Variants in MAP4K5 observed in about 807,000 individuals in gnomAD.
The protein encoded by MAP4K5 is mitogen-activated protein kinase kinase kinase kinase 5.
A neutral mutation model predicts 135.6 loss-of-function variants in MAP4K5; 82 were observed. The ratio of observed to expected loss-of-function variants is 0.60; its 90% CI spans 0.51 to 0.73. The LOEUF (loss-of-function observed/expected upper bound fraction) is 0.73, where lower values mean the gene tolerates loss of function less well. Among genes scored for constraint, MAP4K5 ranks in the 30% least tolerant of loss-of-function variants. MAP4K5 has a pLI of 0.00. For synonymous variants in MAP4K5, 347 were observed against 335.0 expected (o/e 1.04, Z -0.39); for missense variants, 907 against 1,010.9 (o/e 0.90, Z 1.39).
intron 3 of MAP4K5, among the ~76,000 whole-genome samples, chr14:50,499,115 A>G (rs2037653402): frequency 6.6e-6 from 1 of 152,276 alleles, no homozygotes; most frequent in Non-Finnish European, 1.5e-5. Context: ...GATTTTCCAC[A>G]AAAATTCCAC....
At chr14:50,534,244 T>C (rs953991902), upstream of MAP4K5, among the ~76,000 whole-genome samples, 6 of 152,204 alleles carry the variant, frequency 3.9e-5, no homozygotes, top group Admixed American at 1.3e-4. Flanking sequence ...AAACACTTAC[T>C]ATAAAACAAG....
At chr14:50,528,321 T>G (rs1389210147) in intron 2 of MAP4K5, among the ~76,000 whole-genome samples, 1 of 150,978 alleles carries the variant, frequency 6.6e-6, no homozygotes, top group Non-Finnish European at 1.5e-5. Flanking sequence ...ATCTGTGGTA[T>G]TGATGAACAT....
At chr14:50,424,855 GATA>G (rs2035813115) in intron 31 of MAP4K5, among the ~76,000 whole-genome samples, 1 of 151,956 alleles carries the variant, frequency 6.6e-6, no homozygotes, top group Non-Finnish European at 1.5e-5. Context: ...TTAACCATAT[GATA>G]ATAAGTAGGA....
chr14:50,457,746 A>G (rs1052744584), intron 13 of MAP4K5, among the ~76,000 whole-genome samples: 2 of 151,916 alleles, frequency 1.3e-5, no homozygotes, highest in African/African-American at 4.8e-5. Flanking sequence ...TTACTCTCTC[A>G]CTCCCATAAC....
intron 3 of MAP4K5, among the ~76,000 whole-genome samples, chr14:50,502,661 A>G (rs1305242326): frequency 1.3e-5 from 2 of 152,144 alleles, no homozygotes; most frequent in Admixed American, 6.6e-5. Flanking sequence ...TGAAAAATAA[A>G]AAGAGTGAAG....
At chr14:50,488,892 A>G (rs1014005985) in intron 3 of MAP4K5, among the ~76,000 whole-genome samples, 19 of 152,200 alleles carry the variant, frequency 1.2e-4, no homozygotes, top group African/African-American at 4.6e-4. Context: ...TGTGAACTGA[A>G]ATTGTATCAT....
intron 3 of MAP4K5, among the ~76,000 whole-genome samples, chr14:50,494,067 A>G (rs1444706420): frequency 6.6e-6 from 1 of 152,066 alleles, no homozygotes; most frequent in Non-Finnish European, 1.5e-5. Flanking sequence ...TCGTGCACTA[A>G]AAACTATAAA....
rs1479327443 is a variant in MAP4K5, at chr14:50,504,848, C to T, written c.118G>A (p.Val40Ile). Residue 40 changes from valine (V) to isoleucine (I), a missense_variant, in exon 3 of 33, where the codon GTA (valine) becomes ATA (isoleucine). Val to Ile is a conservative substitution (Grantham distance 29). Coordinates refer to ENST00000682126, the MANE Select transcript of MAP4K5 (RefSeq NM_006575.6). ...TYGDVYKARN[V>I]HTGELAAVKI... ...ACTGCAGCCAGCTCTCCTGTGTGTA[C>T]ATTTCTGGCCTAAAAATAAAATAAA... 5 of 1,542,744 alleles carry T rather than the reference C, an allele frequency of 3.2e-6. No individual in the cohort carries two copies. The highest frequency in any genetic ancestry group is 4.4e-6 in the Non-Finnish European group (5 of 1,145,212).
At chr14:50,443,584 CATG>C (rs1489754360) in intron 20 of MAP4K5, 142 bp downstream of exon 20, 2 of 673,276 alleles carry the variant, frequency 3.0e-6, no homozygotes, top group East Asian at 2.9e-5. Flanking sequence ...AATTAGAATA[CATG>C]ATGAGATATC....
intron 2 of MAP4K5, among the ~76,000 whole-genome samples, chr14:50,508,461 C>A (rs2037858686): frequency 1.3e-5 from 2 of 151,824 alleles, no homozygotes; most frequent in Non-Finnish European, 1.5e-5. Flanking sequence ...CAAACTATCC[C>A]AAGGACAGAA....
At chr14:50,508,367 C>G (rs898787310) in intron 2 of MAP4K5, among the ~76,000 whole-genome samples, 12 of 152,098 alleles carry the variant, frequency 7.9e-5, no homozygotes, top group African/African-American at 2.9e-4. Context: ...CACTTACACA[C>G]AATGGAATAC....
At chr14:50,421,151 C>G (rs1404025844) in intron 32 of MAP4K5, among the ~76,000 whole-genome samples, 1 of 152,044 alleles carries the variant, frequency 6.6e-6, no homozygotes. Flanking sequence ...AATATAATTA[C>G]TTATAATCCA....
At chr14:50,484,361 T>C (rs937399143) in intron 5 of MAP4K5, among the ~76,000 whole-genome samples, 11 of 152,230 alleles carry the variant, frequency 7.2e-5, no homozygotes, top group African/African-American at 2.4e-4. Flanking sequence ...AATTATGACA[T>C]TTTAAAATTG....
intron 11 of MAP4K5, among the ~76,000 whole-genome samples, chr14:50,465,292 G>C (rs1355699958): frequency 6.6e-6 from 1 of 152,018 alleles, no homozygotes; most frequent in Admixed American, 6.6e-5. Context: ...AGAATTTTGG[G>C]GGCTCACAGA....
chr14:50,545,409 T>C (rs2038618465), intron 1 of MAP4K5, among the ~76,000 whole-genome samples: 1 of 152,060 alleles, frequency 6.6e-6, no homozygotes, highest in East Asian at 1.9e-4. Flanking sequence ...CAAAGGGAGA[T>C]TCAGGAAGGG....
At chr14:50,533,630 A>G (rs2038452441), upstream of MAP4K5, among the ~76,000 whole-genome samples, 2 of 152,152 alleles carry the variant, frequency 1.3e-5, no homozygotes, top group African/African-American at 4.8e-5. Flanking sequence ...GAGAATTTGA[A>G]CAGAAAAGCC....
chr14:50,444,121 G>A lies in MAP4K5; in HGVS notation c.1340-85C>T. 3.3e-6 allele frequency: 3 copies of A among 898,932 alleles called. No individual in the cohort carries two copies. The South Asian group carries it at 4.3e-5, about 13-fold the overall frequency. 55.7% of individuals were successfully genotyped at this position (898,932 alleles called of 1,614,324 possible). ...TTATTTCCCCTTTCTCCCACTATTT[G>A]TCTTTCACTTGGGTGATCCTTTATT... On this transcript the variant is annotated intron_variant, in intron 18 of 32. Transcript: ENST00000682126.
chr14:50,465,969 G>A (rs759023431), intron 11 of MAP4K5, among the ~76,000 whole-genome samples: 7 of 152,174 alleles, frequency 4.6e-5, no homozygotes, highest in Non-Finnish European at 8.8e-5. Flanking sequence ...AGCTACTCGG[G>A]AGGCCGAGAC....
rs1047130775 is a variant in MAP4K5 at position 50,442,808 on chromosome 14, T to C, written c.1488A>G (p.Ala496=). 3.2e-6 allele frequency: 5 copies of C among 1,569,496 alleles called. No homozygotes were observed. Among genetic ancestry groups the C allele is most frequent in the Non-Finnish European group, 3.5e-6 (4 of 1,153,626 alleles). The change falls in exon 21 of 33, where the codon GCA becomes GCG. Residue 496 remains alanine (A), a synonymous_variant. Coordinates refer to ENST00000682126, the MANE Select transcript of MAP4K5 (RefSeq NM_006575.6). ...LPPTPKVLMG[A]CFSKVFDGCP... ...AGCCATCAAAAACTTTTGAAAAGCATGCTCCCATCTTATTTATAAAGAAAG... is the reference window on the plus strand; with the variant it reads ...AGCCATCAAAAACTTTTGAAAAGCACGCTCCCATCTTATTTATAAAGAAAG...
Sources: allele counts gnomAD v4.1 joint callset (sites outside exome capture counted in the v4.1 genomes callset), GRCh38; gene constraint gnomAD v4.1.1; transcripts MANE v1.5; gene names NCBI Gene and HGNC (gene_info 2026-07-23, HGNC 2026-07-21).